Variants in RBM23 observed in about 807,000 individuals in gnomAD.
RBM23 encodes the protein RNA binding motif protein 23.
A neutral mutation model predicts 56.2 loss-of-function variants in RBM23; 53 were observed. That is an observed-to-expected ratio of 0.94 (90% CI 0.76 to 1.19). The LOEUF is 1.19. RBM23 is among the 50% of genes most tolerant of loss of function. RBM23 has a pLI of 0.00. For missense variants in RBM23, 642 were observed against 590.3 expected (o/e 1.09, Z -0.91); for synonymous variants, 197 against 198.5 (o/e 0.99, Z 0.06).
At chr14:22,914,495 TACAAAA>T (rs1465798072) in intron 1 of RBM23, among the ~76,000 whole-genome samples, 2 of 151,310 alleles carry the variant, frequency 1.3e-5, no homozygotes, top group African/African-American at 4.9e-5. Context: ...GTCTCAAAAA[TACAAAA>T]ACAAACAAAT....
rs1566508436 is a variant in RBM23 at position 22,900,237 on chromosome 14, C to A, written c.*1493G>T. The A allele has an allele frequency of 6.6e-6, 1 of 152,044 alleles. No homozygotes were observed. The highest frequency in any genetic ancestry group is 2.4e-5 in the African/African-American group (1 of 41,348). The allele number at this position is 152,044 out of a possible 1,614,324, so 9.4% of individuals were successfully genotyped here. ...ACCCCTTTGGATATTGGATTGGGAT[C>A]GCTACTACAAAGAGGGTCAAAGGCA... On this transcript the variant is annotated 3_prime_UTR_variant, in exon 14 of 14. Transcript: ENST00000359890.
rs1465339931 is a variant in RBM23 at position 22,897,326 on chromosome 14, T to G, written c.*4404A>C. On this transcript the variant is annotated 3_prime_UTR_variant, in exon 14 of 14. Coordinates refer to ENST00000359890, the MANE Select transcript of RBM23 (RefSeq NM_001077351.2). ...TTTTATTTACTAAATAAAAGTAGAG[T>G]AAGATGACCCACAAGAGGACAAAGA... 2 of 151,826 alleles carry G rather than the reference T, an allele frequency of 1.3e-5. No individual in the cohort carries two copies. The highest frequency in any genetic ancestry group is 2.9e-5 in the Non-Finnish European group (2 of 67,990). The allele number at this position is 151,826 out of a possible 1,614,324, so 9.4% of individuals were successfully genotyped here. A position where few individuals can be genotyped will look rare whatever the true frequency, so the allele number is the denominator to read the frequency against.
In RBM23 at chr14:22,910,961, A is replaced by G. The variant is rs2042410745; in HGVS notation, c.66+367T>C. Among the ~76,000 whole-genome samples, 4 of 152,270 alleles carry G rather than the reference A, an allele frequency of 2.6e-5. 1 individual carries two copies. The South Asian group carries it at 8.3e-4, about 32-fold the overall frequency. On this transcript the variant is annotated intron_variant, in intron 2 of 13. Transcript: ENST00000359890. ...AGGAGGCGGAGGTTGCAGTGAGCCA[A>G]GATTGTGCCACTGCACTCCAGCCTG... is the stretch of plus-strand genomic sequence containing the variant.
intron 1 of RBM23, 54 bp downstream of exon 1, chr14:22,918,945 G>C (rs2044102377): frequency 6.6e-6 from 1 of 152,192 alleles, no homozygotes; most frequent in Admixed American, 6.5e-5. Flanking sequence ...GCGCCGTGCA[G>C]CAACGTCACG....
Position 22,901,468 on chromosome 14 carries a change from A to G in RBM23, c.*262T>C. ...GCAAGAAGGTAATCTCAGAGACGAT[A>G]CACATGGAGAAACAGGTATTCAATG... On this transcript the variant is annotated 3_prime_UTR_variant, in exon 14 of 14. Transcript: ENST00000359890. 1.7e-6 allele frequency: 1 copy of G among 587,364 alleles called. No homozygotes were observed. Among genetic ancestry groups the G allele is most frequent in the Non-Finnish European group, 3.0e-6 (1 of 328,256 alleles). The allele number at this position is 587,364 out of a possible 1,614,324, so 36.4% of individuals were successfully genotyped here. A position where few individuals can be genotyped will look rare whatever the true frequency, so the allele number is the denominator to read the frequency against.
In RBM23 at chr14:22,919,016, AGGGG is replaced by A. The variant is rs1189034610; in HGVS notation, c.-32_-29del. On this transcript the variant is annotated 5_prime_UTR_variant, in exon 1 of 14. Transcript: ENST00000359890. ...TTTCTCACCAGTTCCGGGTCCCCGC[AGGGG>A]GGTCCCGGTTCTCTCCGTTCCTTTG... 1.3e-5 allele frequency: 2 copies of A among 152,096 alleles called. No individual in the cohort carries two copies. The highest frequency in any genetic ancestry group is 2.9e-5 in the Non-Finnish European group (2 of 68,028). The allele number at this position is 152,096 out of a possible 1,614,324, so 9.4% of individuals were successfully genotyped here. A position where few individuals can be genotyped will look rare whatever the true frequency, so the allele number is the denominator to read the frequency against.
intron 1 of RBM23, among the ~76,000 whole-genome samples, chr14:22,918,574 AC>A (rs1205227639): frequency 6.6e-6 from 1 of 152,186 alleles, no homozygotes; most frequent in Non-Finnish European, 1.5e-5. Flanking sequence ...TCTTCGACAG[AC>A]TAGAGATTGA....
At chr14:22,905,477 C>A in intron 6 of RBM23, 24 bp from the exon 7 acceptor site, 1 of 1,610,340 alleles carries the variant, frequency 6.2e-7, no homozygotes, top group South Asian at 1.1e-5. Flanking sequence ...TGTGTTGAGA[C>A]CAGCCCTCCC....
chr14:22,902,844 A>G, intron 10 of RBM23: 1 of 909,848 alleles, frequency 1.1e-6, no homozygotes, highest in African/African-American at 2.0e-5. Flanking sequence ...GCACCATGTC[A>G]GCTCACTACA....
intron 10 of RBM23, 95 bp from the exon 11 acceptor site, chr14:22,902,477 T>C (rs2040729577): frequency 3.4e-6 from 5 of 1,472,834 alleles, no homozygotes; most frequent in Non-Finnish European, 4.5e-6. Context: ...CCCAGGAAAA[T>C]TGTATGCTCA....
At chr14:22,905,700 A>C in intron 5 of RBM23, 41 bp from the exon 6 acceptor site, 1 of 1,457,202 alleles carries the variant, frequency 6.9e-7, no homozygotes, top group Non-Finnish European at 9.6e-7. Context: ...CCTTATTCTC[A>C]TTGGTCCAAT....
rs1555335546 is a variant in RBM23 at position 22,902,046 on chromosome 14, G to GGGT, written c.1179_1180insACC (p.Ala393_Gln394insThr). ...CCATTCAGTTGCAAGGCAGCAGCCT[G>GGGT]GGCGGCGGCGGCAGCAGCAGCAGCA... On this transcript the variant is annotated inframe_insertion, in exon 12 of 14. Coordinates refer to ENST00000359890, the MANE Select transcript of RBM23 (RefSeq NM_001077351.2). 16 of 1,546,440 alleles carry GGGT rather than the reference G, an allele frequency of 1.0e-5. No homozygotes were observed. The highest frequency in any genetic ancestry group is 4.8e-5 in the East Asian group (2 of 41,530).
rs1315650102 is a variant in RBM23 at position 22,902,216 on chromosome 14, C to T, written c.1097G>A (p.Arg366His). Residue 366 changes from arginine (R) to histidine (H), a missense_variant, in exon 11 of 14, where the codon CGT becomes CAT. Physicochemically the swap from Arg to His is conservative, Grantham distance 29. Coordinates refer to ENST00000359890, the MANE Select transcript of RBM23 (RefSeq NM_001077351.2). ...TGCCAGTTTTGCCATGAGCTGAAAA[C>T]GTCCACCTGCTGATCCCAGATCCAG... ...QELDLGSAGG[R>H]FQLMAKLAEG... 15 of 1,614,158 alleles carry T rather than the reference C, an allele frequency of 9.3e-6. No individual in the cohort carries two copies. Among genetic ancestry groups the T allele is most frequent in the South Asian group, 8.8e-5 (8 of 91,082 alleles).
At chr14:22,902,464 T>A (rs1382778959) in intron 10 of RBM23, 82 bp from the exon 11 acceptor site, 2 of 1,494,952 alleles carry the variant, frequency 1.3e-6, no homozygotes, top group Admixed American at 4.8e-5. Flanking sequence ...CTAGTCCTAC[T>A]ATCCCAGGAA....
intron 10 of RBM23, 195 bp downstream of exon 10, chr14:22,904,066 A>T (rs922379139): frequency 6.6e-7 from 1 of 1,515,972 alleles, no homozygotes. Flanking sequence ...GGCCACTGAC[A>T]GAGTGTAGGA....
In RBM23 at chr14:22,902,062, A is replaced by G. The variant is rs765772247; in HGVS notation, c.1164T>C (p.Ala388=). The G allele has an allele frequency of 8.8e-6, 14 of 1,587,906 alleles. No individual in the cohort carries two copies. In the East Asian group the frequency reaches 2.0e-4, roughly 23 times the overall value. The change falls in exon 12 of 14, where the codon GCT becomes GCC. Residue 388 remains alanine, a synonymous_variant. Transcript: ENST00000359890. ...CAGCAGCCTGGGCGGCGGCGGCAGC[A>G]GCAGCAGCAGCAGTGCTTGGCAGTT... is the stretch of plus-strand genomic sequence containing the variant. ...GIQLPSTAAA[A]AAAAAQAAAL... is the part of the protein sequence containing the mutation.
chr14:22,904,091 T>C, intron 10 of RBM23, 170 bp downstream of exon 10: 1 of 1,531,014 alleles, frequency 6.5e-7, no homozygotes, highest in African/African-American at 1.4e-5. Flanking sequence ...AGCCAAGATC[T>C]CAAGCAATGC....
At chr14:22,912,436 G>C (rs972204193) in intron 1 of RBM23, among the ~76,000 whole-genome samples, 1 of 152,018 alleles carries the variant, frequency 6.6e-6, no homozygotes, top group Non-Finnish European at 1.5e-5. Flanking sequence ...CTTTCTCTCT[G>C]GCAGGCAAGG....
Position 22,902,355 on chromosome 14 carries a change from C to G in RBM23, c.958G>C (p.Ala320Pro), listed in dbSNP as rs1306013348. 5 of 1,613,530 alleles carry G rather than the reference C, an allele frequency of 3.1e-6. No individual in the cohort carries two copies. Among genetic ancestry groups the G allele is most frequent in the Non-Finnish European group, 4.2e-6 (5 of 1,179,602 alleles). ...TCAAACCCATTCAACTGTTCCAGGG[C>G]CCGCCGGGCACACTCAGAATCAGAG... is the stretch of plus-strand genomic sequence containing the variant. The part of the protein sequence containing the change: ...TFSDSECARR[A>P]LEQLNGFELA... The change falls in exon 11 of 14, where the codon GCC becomes CCC. Residue 320 changes from alanine to proline, a missense_variant. Physicochemically the swap from Ala to Pro is conservative, Grantham distance 27 (BLOSUM62 -1). Transcript: ENST00000359890.
Sources: allele counts gnomAD v4.1 joint callset (sites outside exome capture counted in the v4.1 genomes callset), GRCh38; gene constraint gnomAD v4.1.1; transcripts MANE v1.5; gene names NCBI Gene and HGNC (gene_info 2026-07-23, HGNC 2026-07-21).